NRF1: variants seen among roughly 807,000 people sequenced by gnomAD.
NRF1 encodes alpha palindromic-binding protein.
In NRF1, 5 loss-of-function variants were observed where a neutral mutation model predicts 58.5. That is an observed-to-expected ratio of 0.09 (90% CI 0.04 to 0.18). The LOEUF is 0.18. NRF1 is among the 10% of genes least tolerant of loss of function. The pLI is 1.00. For missense variants in NRF1, 288 were observed against 657.7 expected (o/e 0.44, Z 6.15); for synonymous variants, 224 against 246.7 (o/e 0.91, Z 0.86).
At chr7:129,666,388 A>G (rs1015017358) in intron 2 of NRF1, among the ~76,000 whole-genome samples, 1 of 152,136 alleles carries the variant, frequency 6.6e-6, no homozygotes, top group African/African-American at 2.4e-5. Context: ...CATGTGTTAA[A>G]TTTTATATTA....
chr7:129,660,009 G>A (rs1171511553), intron 2 of NRF1, among the ~76,000 whole-genome samples: 1 of 152,160 alleles, frequency 6.6e-6, no homozygotes, highest in Non-Finnish European at 1.5e-5. Context: ...CCTGGCTAGG[G>A]AGGCCTCACA....
intron 1 of NRF1, among the ~76,000 whole-genome samples, chr7:129,646,135 C>T (rs566042336): frequency 1.4e-4 from 22 of 152,290 alleles, no homozygotes; most frequent in African/African-American, 4.6e-4. Context: ...TGAGCCACCG[C>T]GCCAGGCCTG....
chr7:129,612,537 G>T (rs193030029), intron 1 of NRF1, among the ~76,000 whole-genome samples: 1 of 152,206 alleles, frequency 6.6e-6, no homozygotes, highest in Non-Finnish European at 1.5e-5. Context: ...CCTTTTGTAC[G>T]CAGAAATAAG....
At chr7:129,618,593 G>A (rs1422305375) in intron 1 of NRF1, among the ~76,000 whole-genome samples, 5 of 152,130 alleles carry the variant, frequency 3.3e-5, no homozygotes, top group African/African-American at 1.2e-4. Context: ...TACTCGGGAG[G>A]CTGAGGCTGG....
intron 10 of NRF1, among the ~76,000 whole-genome samples, chr7:129,745,207 A>C (rs1803944858): frequency 6.6e-6 from 1 of 151,968 alleles, no homozygotes. Flanking sequence ...GCCATGATCT[A>C]TCCTCTGGGA....
intron 2 of NRF1, among the ~76,000 whole-genome samples, chr7:129,658,882 A>G (rs1801719516): frequency 1.3e-5 from 2 of 152,300 alleles, no homozygotes; most frequent in East Asian, 3.9e-4. Flanking sequence ...AACTATTTGT[A>G]TAGCATTTAC....
intron 9 of NRF1, among the ~76,000 whole-genome samples, chr7:129,725,991 C>A (rs895413617): frequency 1.3e-5 from 2 of 152,210 alleles, no homozygotes; most frequent in African/African-American, 4.8e-5. Flanking sequence ...GTACATGTTG[C>A]TTTGCCCACA....
intron 10 of NRF1, among the ~76,000 whole-genome samples, chr7:129,754,385 T>A (rs1804196740): frequency 7.0e-6 from 1 of 143,206 alleles, no homozygotes; most frequent in East Asian, 2.0e-4. Flanking sequence ...ATCACTTGAA[T>A]CCAGGAGTTC....
chr7:129,630,765 A>G (rs1801030314), intron 1 of NRF1, among the ~76,000 whole-genome samples: 1 of 152,182 alleles, frequency 6.6e-6, no homozygotes, highest in African/African-American at 2.4e-5. Context: ...TTTTGTCCTC[A>G]CAGAAGTTAA....
At chr7:129,626,479 C>T (rs1800922254) in intron 1 of NRF1, among the ~76,000 whole-genome samples, 2 of 152,172 alleles carry the variant, frequency 1.3e-5, no homozygotes, top group Non-Finnish European at 2.9e-5. Flanking sequence ...AAATCTTTGT[C>T]ATTGGTGATT....
chr7:129,728,494 A>AAAC (rs1395059904), intron 10 of NRF1, among the ~76,000 whole-genome samples: 4 of 147,614 alleles, frequency 2.7e-5, no homozygotes, highest in African/African-American at 1.0e-4. Flanking sequence ...AAAAAAAAAA[A>AAAC]CCAATCCTGG....
intron 1 of NRF1, among the ~76,000 whole-genome samples, chr7:129,620,040 C>T (rs1018665128): frequency 6.6e-6 from 1 of 152,078 alleles, no homozygotes; most frequent in African/African-American, 2.4e-5. Flanking sequence ...TGTTGACACA[C>T]AGAAAAGTCA....
chr7:129,669,981 CT>C, intron 2 of NRF1, among the ~76,000 whole-genome samples: 1 of 152,202 alleles, frequency 6.6e-6, no homozygotes, highest in Non-Finnish European at 1.5e-5. Context: ...CAAATGTGAT[CT>C]GTATGTACAA....
intron 1 of NRF1, among the ~76,000 whole-genome samples, chr7:129,641,471 A>G (rs1024319971): frequency 2.6e-5 from 4 of 152,062 alleles, no homozygotes; most frequent in Non-Finnish European, 5.9e-5. Context: ...AGGTTATAAA[A>G]GGTTAATATT....
chr7:129,671,320 GACA>G, intron 2 of NRF1, 106 bp from the exon 3 acceptor site: 1 of 613,006 alleles, frequency 1.6e-6, no homozygotes, highest in Non-Finnish European at 2.9e-6. Context: ...TTTATTTACC[GACA>G]ACAATATTAG....
intron 1 of NRF1, among the ~76,000 whole-genome samples, chr7:129,646,157 A>G (rs1801401971): frequency 2.0e-5 from 3 of 152,144 alleles, no homozygotes. Context: ...GAGACATTTT[A>G]TACTCTATAG....
At chr7:129,622,571 C>CT (rs71527916) in intron 1 of NRF1, among the ~76,000 whole-genome samples, 4,741 of 132,522 alleles carry the variant, frequency 0.036, 186 homozygotes, top group African/African-American at 0.092. Context: ...CTTTTCTTTT[C>CT]TTTTTTTTTT....
At chr7:129,666,536 T>C (rs1040449601) in intron 2 of NRF1, among the ~76,000 whole-genome samples, 9 of 152,212 alleles carry the variant, frequency 5.9e-5, no homozygotes, top group South Asian at 2.1e-4. Context: ...TTTCTTTTTC[T>C]GTTGTTGTTT....
At chr7:129,650,715 ATAGG>A (rs747870286) in intron 1 of NRF1, among the ~76,000 whole-genome samples, 1 of 151,990 alleles carries the variant, frequency 6.6e-6, no homozygotes, top group Non-Finnish European at 1.5e-5. Context: ...CCTTTTGCGA[ATAGG>A]TAGTCATTTT....
Sources: allele counts gnomAD v4.1 joint callset (sites outside exome capture counted in the v4.1 genomes callset), GRCh38; gene constraint gnomAD v4.1.1; transcripts MANE v1.5; gene names NCBI Gene and HGNC (gene_info 2026-07-23, HGNC 2026-07-21).